GPC5: variants seen among roughly 807,000 people sequenced by gnomAD.
The protein encoded by GPC5 is glypican 5.
A neutral mutation model predicts 53.9 loss-of-function variants in GPC5; 47 were observed. The observed-to-expected ratio is 0.87, with a 90% confidence interval of 0.69 to 1.11. The LOEUF is 1.11. Ranked by LOEUF, GPC5 falls within the 50% of genes most tolerant of loss-of-function variation. GPC5 has a pLI of 0.00. For synonymous variants in GPC5, 286 were observed against 263.3 expected, an observed-to-expected ratio of 1.09 and a Z score of -0.84; for missense variants, 748 against 713.1, an observed-to-expected ratio of 1.05 and a Z score of -0.56.
At chr13:91,883,773 T>C (rs994956115) in intron 5 of GPC5, among the ~76,000 whole-genome samples, 3 of 152,180 alleles carry the variant, frequency 2.0e-5, no homozygotes, top group African/African-American at 7.2e-5. Flanking sequence ...TGAAAGATTT[T>C]TTTTATTTTT....
intron 6 of GPC5, among the ~76,000 whole-genome samples, chr13:92,080,904 C>T (rs920025938): frequency 6.6e-6 from 1 of 152,168 alleles, no homozygotes; most frequent in Non-Finnish European, 1.5e-5. Flanking sequence ...TGCTCTTGCT[C>T]CCTTCACTTA....
At chr13:92,506,269 C>A (rs1390847689) in intron 7 of GPC5, among the ~76,000 whole-genome samples, 1 of 152,072 alleles carries the variant, frequency 6.6e-6, no homozygotes, top group Non-Finnish European at 1.5e-5. Context: ...TAGGAACACA[C>A]ACTTTTTCAA....
At chr13:92,465,133 C>A (rs1302465775) in intron 7 of GPC5, among the ~76,000 whole-genome samples, 1 of 151,974 alleles carries the variant, frequency 6.6e-6, no homozygotes, top group African/African-American at 2.4e-5. Context: ...AGGGCAGACA[C>A]AATTTACTAA....
intron 7 of GPC5, among the ~76,000 whole-genome samples, chr13:92,213,955 A>G (rs2042392696): frequency 6.6e-6 from 1 of 152,188 alleles, no homozygotes; most frequent in East Asian, 1.9e-4. Flanking sequence ...ATTTCCATTT[A>G]AAAAACATTT....
chr13:91,932,558 G>A (rs2039831761), intron 6 of GPC5, among the ~76,000 whole-genome samples: 1 of 152,006 alleles, frequency 6.6e-6, no homozygotes, highest in African/African-American at 2.4e-5. Flanking sequence ...TTCCTTCAGA[G>A]TTTCCAATTT....
chr13:92,064,921 T>TTA (rs71200560), intron 6 of GPC5, among the ~76,000 whole-genome samples: 4 of 151,510 alleles, frequency 2.6e-5, no homozygotes, highest in East Asian at 1.9e-4. Context: ...ATCCTTTTTT[T>TTA]ATGCAGAGAG....
chr13:91,663,309 C>T (rs1451191955), intron 2 of GPC5, among the ~76,000 whole-genome samples: 1 of 152,224 alleles, frequency 6.6e-6, no homozygotes, highest in Admixed American at 6.5e-5. Context: ...TCAAGCATTA[C>T]ATGACATTTA....
chr13:92,174,130 C>T (rs887451201), intron 7 of GPC5, among the ~76,000 whole-genome samples: 1 of 151,942 alleles, frequency 6.6e-6, no homozygotes, highest in African/African-American at 2.4e-5. Context: ...GAAAAGACAT[C>T]TTTGGATATT....
At position 92,774,247 on chromosome 13, in the gene GPC5, C is replaced by A. The variant is rs1454406030; in HGVS notation, c.1562-92035C>A. Among the ~76,000 whole-genome samples, 4 of 152,342 alleles carry A rather than the reference C, an allele frequency of 2.6e-5. No individual in the cohort carries two copies. In the East Asian group the frequency reaches 5.8e-4, roughly 22 times the overall value. On this transcript the variant is annotated intron_variant, in intron 7 of 7. Coordinates refer to ENST00000377067, the MANE Select transcript of GPC5 (RefSeq NM_004466.6). The stretch of plus-strand genomic sequence containing the variant: ...GCCATATCTTCTCTACTTAACCTTG[C>A]AGGTATAGCCCTGTAGGTCTATAAC...
At chr13:92,062,200 A>T (rs1410263479) in intron 6 of GPC5, among the ~76,000 whole-genome samples, 3 of 151,906 alleles carry the variant, frequency 2.0e-5, no homozygotes, top group African/African-American at 7.3e-5. Flanking sequence ...TCATTTTGTT[A>T]TTAGCTAATA....
intron 7 of GPC5, among the ~76,000 whole-genome samples, chr13:92,478,063 T>A (rs1385764753): frequency 6.6e-6 from 1 of 152,186 alleles, no homozygotes. Flanking sequence ...CTGTTTCCCT[T>A]ATTGCTGCCC....
intron 6 of GPC5, among the ~76,000 whole-genome samples, chr13:91,925,681 C>G (rs1323569613): frequency 6.6e-6 from 1 of 152,040 alleles, no homozygotes; most frequent in Non-Finnish European, 1.5e-5. Context: ...AGGGGCTCTC[C>G]TAGGTATGGG....
At chr13:92,567,574 G>T (rs923812613) in intron 7 of GPC5, among the ~76,000 whole-genome samples, 1 of 152,102 alleles carries the variant, frequency 6.6e-6, no homozygotes, top group African/African-American at 2.4e-5. Flanking sequence ...ACCAAAAGGG[G>T]CATTAAAAGT....
At chr13:91,463,368 C>T (rs1188994812) in intron 2 of GPC5, among the ~76,000 whole-genome samples, 1 of 151,904 alleles carries the variant, frequency 6.6e-6, no homozygotes, top group African/African-American at 2.4e-5. Context: ...CCCATAGATA[C>T]AAAAAGCCAA....
chr13:92,661,374 A>C lies in GPC5; in HGVS notation c.1562-204908A>C, dbSNP rs139730854. On this transcript the variant is annotated intron_variant, in intron 7 of 7. Coordinates refer to ENST00000377067, the MANE Select transcript of GPC5 (RefSeq NM_004466.6). ...AGACAATTATAATCAATTAAGACTC[A>C]ATTGTCAACACTCAGTGTATAAATT... is the stretch of plus-strand genomic sequence containing the variant. 5.3e-5 allele frequency among the ~76,000 whole-genome samples: 8 copies of C among 152,280 alleles called. No individual in the cohort carries two copies. The East Asian group carries it at 1.5e-3, about 29-fold the overall frequency.
chr13:92,354,309 G>C (rs2043504735), intron 7 of GPC5, among the ~76,000 whole-genome samples: 1 of 152,154 alleles, frequency 6.6e-6, no homozygotes, highest in Non-Finnish European at 1.5e-5. Context: ...TACAACAACA[G>C]TAATATAACT....
intron 5 of GPC5, among the ~76,000 whole-genome samples, chr13:91,830,701 G>A (rs2038641180): frequency 6.8e-6 from 1 of 147,320 alleles, no homozygotes; most frequent in Non-Finnish European, 1.5e-5. Flanking sequence ...AACATAGAGG[G>A]ACAGAACTAA....
intron 7 of GPC5, among the ~76,000 whole-genome samples, chr13:92,600,440 C>T (rs955575327): frequency 2.6e-5 from 4 of 151,996 alleles, no homozygotes; most frequent in East Asian, 1.9e-4. Context: ...AAGATTCTGC[C>T]AGTTAAGAAA....
intron 6 of GPC5, among the ~76,000 whole-genome samples, chr13:92,071,539 A>G (rs913176686): frequency 3.9e-5 from 6 of 152,096 alleles, no homozygotes; most frequent in African/African-American, 1.2e-4. Flanking sequence ...TTATCTGCTG[A>G]GTAAACTTTT....
Sources: allele counts gnomAD v4.1 joint callset (sites outside exome capture counted in the v4.1 genomes callset), GRCh38; gene constraint gnomAD v4.1.1; transcripts MANE v1.5; gene names NCBI Gene and HGNC (gene_info 2026-07-23, HGNC 2026-07-21).